ZNF430: variants seen among roughly 807,000 people sequenced by gnomAD.
ZNF430 encodes the protein zinc finger protein 430.
Under a neutral mutation model 56.7 loss-of-function variants are expected in ZNF430, and 35 were observed. The ratio of observed to expected loss-of-function variants is 0.62; its 90% CI spans 0.47 to 0.82. The LOEUF (loss-of-function observed/expected upper bound fraction) is 0.82. ZNF430 is among the 40% of genes least tolerant of loss of function. The pLI is 0.00. For missense variants in ZNF430, 574 were observed against 661.0 expected, an observed-to-expected ratio of 0.87 and a Z score of 1.44; for synonymous variants, 212 against 224.3, an observed-to-expected ratio of 0.94 and a Z score of 0.49.
intron 4 of ZNF430, among the ~76,000 whole-genome samples, chr19:21,052,246 A>G (rs370558933): frequency 1.3e-4 from 20 of 152,162 alleles, no homozygotes; most frequent in African/African-American, 4.6e-4. Flanking sequence ...CAGGTGGTCT[A>G]TCAAGGAGAA....
chr19:21,046,246 G>A (rs1240004575), intron 4 of ZNF430, among the ~76,000 whole-genome samples: 2 of 151,364 alleles, frequency 1.3e-5, no homozygotes, highest in Non-Finnish European at 1.5e-5. Context: ...TTGAACCTGG[G>A]AGGCAGATGT....
At chr19:21,042,992 T>G in intron 4 of ZNF430, among the ~76,000 whole-genome samples, 1 of 152,172 alleles carries the variant, frequency 6.6e-6, no homozygotes. Context: ...TAAATTTGCT[T>G]AAGTTCCTTT....
chr19:21,025,656 G>A (rs1448538962), intron 2 of ZNF430, among the ~76,000 whole-genome samples: 8 of 151,526 alleles, frequency 5.3e-5, no homozygotes, highest in African/African-American at 1.7e-4. Flanking sequence ...GCATCATCTC[G>A]GCTCACTGCA....
intron 4 of ZNF430, among the ~76,000 whole-genome samples, chr19:21,043,666 T>C (rs755681086): frequency 2.0e-5 from 3 of 152,194 alleles, no homozygotes; most frequent in Non-Finnish European, 4.4e-5. Context: ...ATGTCAGTAA[T>C]AGTTTAGTGG....
chr19:21,025,618 A>T (rs1967777888), intron 2 of ZNF430, among the ~76,000 whole-genome samples: 2 of 151,058 alleles, frequency 1.3e-5, no homozygotes, highest in Non-Finnish European at 3.0e-5. Flanking sequence ...ACGGAGTCTC[A>T]CTCTGTTGCC....
intron 4 of ZNF430, among the ~76,000 whole-genome samples, chr19:21,054,746 C>A (rs1261138386): frequency 6.9e-6 from 1 of 145,094 alleles, no homozygotes; most frequent in Admixed American, 7.0e-5. Context: ...CGCATCTCCG[C>A]TCACTATAAG....
At chr19:21,048,450 A>G (rs1240116862) in intron 4 of ZNF430, among the ~76,000 whole-genome samples, 4 of 151,898 alleles carry the variant, frequency 2.6e-5, no homozygotes, top group African/African-American at 9.7e-5. Flanking sequence ...CCCTTAATCC[A>G]TTTAACCCTG....
chr19:21,057,738 T>C lies in ZNF430; in HGVS notation c.1430T>C (p.Val477Ala). Residue 477 changes from valine to alanine, a missense_variant, in exon 5 of 5, where the codon GTA (valine) becomes GCA (alanine). Around this residue, in one of 3 missense-constraint regions of ZNF430, gnomAD observed 213 missense variants for 221.0 expected, o/e 0.96. Coordinates refer to ENST00000261560, the MANE Select transcript of ZNF430 (RefSeq NM_025189.4). ...NRSPKLTAHK[V>A]IHSGEKPYKC... Reference sequence around the variant, plus strand: ...TCCCCAAAACTTACTGCACATAAGGTAATTCATTCTGGAGAGAAACCCTAC... The same window carrying C: ...TCCCCAAAACTTACTGCACATAAGGCAATTCATTCTGGAGAGAAACCCTAC... 6.2e-7 allele frequency: 1 copy of C among 1,602,664 alleles called. No individual in the cohort carries two copies. The highest frequency in any genetic ancestry group is 8.5e-7 in the Non-Finnish European group (1 of 1,175,188).
chr19:21,033,657 G>T, intron 3 of ZNF430, 75 bp downstream of exon 3: 5 of 1,458,074 alleles, frequency 3.4e-6, no homozygotes, highest in South Asian at 1.4e-5. Context: ...AATAATTTTT[G>T]GTAATTTATG....
chr19:21,022,690 G>T, intron 1 of ZNF430, 99 bp from the exon 2 acceptor site: 1 of 893,136 alleles, frequency 1.1e-6, no homozygotes, highest in South Asian at 1.4e-5. Context: ...TCTGGTCCTG[G>T]GTTTCAGTAT....
chr19:21,044,589 G>A (rs1163646068), intron 4 of ZNF430, among the ~76,000 whole-genome samples: 3 of 152,140 alleles, frequency 2.0e-5, no homozygotes, highest in African/African-American at 7.2e-5. Context: ...GAATGATGCT[G>A]ATCTTATAAA....
At chr19:21,030,605 T>C (rs1434422654) in intron 2 of ZNF430, among the ~76,000 whole-genome samples, 1 of 152,192 alleles carries the variant, frequency 6.6e-6, no homozygotes, top group Non-Finnish European at 1.5e-5. Flanking sequence ...ATTGGTTTTA[T>C]TTGTACCAGA....
intron 2 of ZNF430, among the ~76,000 whole-genome samples, chr19:21,023,169 C>T (rs892774825): frequency 6.6e-6 from 1 of 152,080 alleles, no homozygotes; most frequent in Non-Finnish European, 1.5e-5. Flanking sequence ...GTTAAATGCC[C>T]GTGGGACAGT....
intron 1 of ZNF430, among the ~76,000 whole-genome samples, chr19:21,021,102 G>GATCGTCACGGGAGA (rs970974993): frequency 1.4e-4 from 21 of 152,176 alleles, no homozygotes; most frequent in Non-Finnish European, 2.9e-4. Context: ...ACCACGGGAG[G>GATCGTCACGGGAGA]ATCGTCACGG....
In ZNF430 at chr19:21,057,220, T is replaced by G. The variant is rs753402962; in HGVS notation, c.912T>G (p.Leu304=). 2.5e-6 allele frequency: 4 copies of G among 1,613,642 alleles called. No individual in the cohort carries two copies. The South Asian group carries it at 4.4e-5, about 18-fold the overall frequency. ...AAACCTTTAACCGGTCCTCACACCT[T>G]ACTACACATAAAAGAATTCATACTG... ...CGKTFNRSSH[L]TTHKRIHTGE... The change falls in exon 5 of 5, where the codon CTT becomes CTG. Residue 304 remains leucine (L), a synonymous_variant. Transcript: ENST00000261560.
At chr19:21,049,173 C>CAAAAAAAAAAAAAAAAAAAAAAAAAATAA (rs746043747) in intron 4 of ZNF430, among the ~76,000 whole-genome samples, 1 of 65,256 alleles carries the variant, frequency 1.5e-5, no homozygotes, top group Non-Finnish European at 2.5e-5. Flanking sequence ...GACTCCATCT[C>CAAAAAAAAAAAAAAAAAAAAAAAAAATAA]AAAAAAAAAA....
chr19:21,039,141 G>A (rs1307241580), intron 4 of ZNF430, among the ~76,000 whole-genome samples: 2 of 151,978 alleles, frequency 1.3e-5, no homozygotes, highest in Non-Finnish European at 2.9e-5. Flanking sequence ...GTAGAGACGG[G>A]GCTTCACATG....
At chr19:21,051,222 T>C (rs1363499298) in intron 4 of ZNF430, among the ~76,000 whole-genome samples, 8 of 152,216 alleles carry the variant, frequency 5.3e-5, no homozygotes, top group Non-Finnish European at 1.2e-4. Context: ...ATGTATCTTC[T>C]ACAGTCTCTT....
chr19:21,033,903 G>A (rs1165226552), intron 3 of ZNF430, among the ~76,000 whole-genome samples, 183 bp from the exon 4 acceptor site: 1 of 152,000 alleles, frequency 6.6e-6, no homozygotes. Flanking sequence ...TGAATGCCAG[G>A]CAGTGAAATT....
Sources: gnomAD v4.1 joint callset for allele counts (sites outside exome capture counted in the v4.1 genomes callset) on GRCh38, gnomAD v4.1.1 for gene constraint, gnomAD v4.1.1 regional missense constraint, MANE v1.5 for transcripts, NCBI Gene and HGNC (gene_info 2026-07-23, HGNC 2026-07-21) for gene names.